Variants in KCNAB1 observed in about 807,000 individuals in gnomAD.
KCNAB1 encodes the protein voltage-gated potassium channel subunit beta-1.
A neutral mutation model predicts 64.6 loss-of-function variants in KCNAB1; 35 were observed. That is an observed-to-expected ratio of 0.54 (90% confidence interval 0.41 to 0.72). KCNAB1 has a LOEUF of 0.72. KCNAB1 is among the 30% of genes least tolerant of loss of function. The pLI is 0.00. For synonymous variants in KCNAB1, 177 were observed against 183.8 expected, an observed-to-expected ratio of 0.96 and a Z score of 0.30; for missense variants, 401 against 512.9, an observed-to-expected ratio of 0.78 and a Z score of 2.11.
At chr3:156,407,640 A>C (rs1559869772) in intron 1 of KCNAB1, among the ~76,000 whole-genome samples, 1 of 152,196 alleles carries the variant, frequency 6.6e-6, no homozygotes, top group Non-Finnish European at 1.5e-5. Context: ...GTGTTCATTG[A>C]ATTGAATTGT....
chr3:156,197,126 C>T (rs1434511814), intron 1 of KCNAB1, among the ~76,000 whole-genome samples: 1 of 152,116 alleles, frequency 6.6e-6, no homozygotes, highest in Non-Finnish European at 1.5e-5. Flanking sequence ...GTATGTTGAA[C>T]CAGCCTTGCA....
intron 1 of KCNAB1, among the ~76,000 whole-genome samples, chr3:156,225,866 A>T (rs1186021959): frequency 1.3e-5 from 2 of 152,188 alleles, no homozygotes; most frequent in Non-Finnish European, 2.9e-5. Flanking sequence ...GAATATACCT[A>T]ACCAAGGACT....
At chr3:156,274,599 T>C (rs947835195) in intron 1 of KCNAB1, among the ~76,000 whole-genome samples, 5 of 152,214 alleles carry the variant, frequency 3.3e-5, no homozygotes, top group South Asian at 2.1e-4. Context: ...ATCTCTGTGA[T>C]GTAGTCAAAA....
rs191034014 is a variant in KCNAB1, at chr3:156,534,237, G to C, written c.1171-2421G>C. Among the ~76,000 whole-genome samples, 9 of 152,282 alleles carry C rather than the reference G, an allele frequency of 5.9e-5. No individual in the cohort carries two copies. The South Asian group carries it at 6.2e-4, about 11-fold the overall frequency. On this transcript the variant is annotated intron_variant, in intron 13 of 13. Transcript: ENST00000490337. ...TGGAAAATACGGAGCACCAGCAGTT[G>C]TAAGAAAATATTTCTAGTAGGCTGG... is the stretch of plus-strand genomic sequence containing the variant.
At chr3:156,132,921 G>T (rs999031555) in intron 1 of KCNAB1, among the ~76,000 whole-genome samples, 2 of 152,158 alleles carry the variant, frequency 1.3e-5, no homozygotes, top group Non-Finnish European at 2.9e-5. Flanking sequence ...CCTCAGTCAA[G>T]GTATATATAC....
At chr3:156,253,285 C>T (rs557063928) in intron 1 of KCNAB1, among the ~76,000 whole-genome samples, 1 of 152,272 alleles carries the variant, frequency 6.6e-6, no homozygotes, top group African/African-American at 2.4e-5. Context: ...GAAGTACTTC[C>T]TCTCAAGACA....
intron 2 of KCNAB1, among the ~76,000 whole-genome samples, chr3:156,422,564 A>G (rs1715533781): frequency 6.6e-6 from 1 of 152,222 alleles, no homozygotes; most frequent in Non-Finnish European, 1.5e-5. Context: ...GAAAAATGAG[A>G]GAGAAATTTA....
chr3:156,466,228 C>T (rs1261067464), intron 7 of KCNAB1, among the ~76,000 whole-genome samples: 1 of 152,082 alleles, frequency 6.6e-6, no homozygotes, highest in African/African-American at 2.4e-5. Flanking sequence ...TAAATGAGAT[C>T]TCATGATATA....
intron 8 of KCNAB1, among the ~76,000 whole-genome samples, chr3:156,493,501 A>G (rs76587460): frequency 6.6e-6 from 1 of 152,124 alleles, no homozygotes; most frequent in Admixed American, 6.6e-5. Flanking sequence ...AAAGATTTCT[A>G]TATGCCCCTC....
chr3:156,136,917 T>C (rs1306671607), intron 1 of KCNAB1, among the ~76,000 whole-genome samples: 1 of 152,228 alleles, frequency 6.6e-6, no homozygotes, highest in African/African-American at 2.4e-5. Context: ...GTGGGACCAA[T>C]GCAGAATAGC....
rs183071874 is a variant in KCNAB1 at position 156,388,293 on chromosome 3, A to G, written c.276-33323A>G. Among the ~76,000 whole-genome samples, 187 of 152,320 alleles carry G rather than the reference A, an allele frequency of 1.2e-3. 2 individuals carry two copies. The highest frequency in any genetic ancestry group is 5.9e-5 in the Non-Finnish European group (4 of 68,014). ...ATTGGAGTGAGGTCTTTAAACAGGA[A>G]CCAGGATTGAAATTAGGTTCAGAGT... On this transcript the variant is annotated intron_variant, in intron 1 of 13. Transcript: ENST00000490337.
chr3:156,379,413 G>A (rs1711984631), intron 1 of KCNAB1, among the ~76,000 whole-genome samples: 1 of 152,212 alleles, frequency 6.6e-6, no homozygotes, highest in African/African-American at 2.4e-5. Flanking sequence ...GAAGGTGGAT[G>A]AGGGTGTTGG....
intron 1 of KCNAB1, among the ~76,000 whole-genome samples, chr3:156,375,654 A>T (rs1334342255): frequency 7.4e-6 from 1 of 135,664 alleles, no homozygotes; most frequent in African/African-American, 3.3e-5. Context: ...AAAGGAAGGA[A>T]TACTTGAATT....
chr3:156,394,980 C>T (rs1431532352), intron 1 of KCNAB1, among the ~76,000 whole-genome samples: 1 of 152,206 alleles, frequency 6.6e-6, no homozygotes, highest in East Asian at 1.9e-4. Flanking sequence ...TTCTAAAATG[C>T]AGGCTCTTCT....
intron 1 of KCNAB1, among the ~76,000 whole-genome samples, chr3:156,211,490 T>G (rs1197183927): frequency 1.3e-5 from 2 of 152,226 alleles, no homozygotes; most frequent in Non-Finnish European, 2.9e-5. Context: ...AGCCCTAATA[T>G]AATTGACTAA....
intron 1 of KCNAB1, among the ~76,000 whole-genome samples, chr3:156,177,525 C>T (rs947911809): frequency 1.3e-5 from 2 of 152,126 alleles, no homozygotes; most frequent in African/African-American, 4.8e-5. Context: ...TACAAGCGCC[C>T]GCCACCCCGC....
At chr3:156,465,779 A>G in intron 7 of KCNAB1, 93 bp downstream of exon 7, 1 of 1,023,948 alleles carries the variant, frequency 9.8e-7, no homozygotes, top group Non-Finnish European at 1.5e-6. Flanking sequence ...CTGGAAGAGG[A>G]AAAAGTTCTA....
chr3:156,281,548 T>A (rs1443309342), intron 1 of KCNAB1, among the ~76,000 whole-genome samples: 2 of 152,216 alleles, frequency 1.3e-5, no homozygotes, highest in African/African-American at 2.4e-5. Flanking sequence ...TGGTACCAAT[T>A]CCTCCTTGTA....
At chr3:156,519,199 T>G (rs1717771668) in intron 11 of KCNAB1, among the ~76,000 whole-genome samples, 1 of 152,222 alleles carries the variant, frequency 6.6e-6, no homozygotes, top group South Asian at 2.1e-4. Context: ...CTACTTAATC[T>G]TTTTAAAATA....
Sources: allele counts gnomAD v4.1 joint callset (sites outside exome capture counted in the v4.1 genomes callset), GRCh38; gene constraint gnomAD v4.1.1; transcripts MANE v1.5; gene names NCBI Gene and HGNC (gene_info 2026-07-23, HGNC 2026-07-21).